ADD1: variants seen among roughly 807,000 people sequenced by gnomAD.
ADD1 encodes alpha-adducin.
A neutral mutation model predicts 80.5 loss-of-function variants in ADD1; 24 were observed. The ratio of observed to expected loss-of-function variants is 0.30; its 90% CI spans 0.22 to 0.42. ADD1 has a LOEUF of 0.42. Ranked by LOEUF, ADD1 falls within the 10% of genes least tolerant of loss-of-function variation. The pLI is 1.00. For synonymous variants in ADD1, 373 were observed against 393.8 expected, an observed-to-expected ratio of 0.95 and a Z score of 0.63; for missense variants, 948 against 1,019.0, an observed-to-expected ratio of 0.93 and a Z score of 0.95.
intron 13 of ADD1, among the ~76,000 whole-genome samples, chr4:2,912,405 G>A (rs957298711): frequency 7.2e-5 from 11 of 152,216 alleles, no homozygotes. Flanking sequence ...TCCACCACTG[G>A]GGACCTGCTG....
chr4:2,868,646 C>T (rs1729931131), intron 1 of ADD1, among the ~76,000 whole-genome samples: 1 of 152,178 alleles, frequency 6.6e-6, no homozygotes, highest in African/African-American at 2.4e-5. Context: ...GACACACTCC[C>T]CCAGGGCCCT....
At chr4:2,898,073 A>G (rs555740703) in intron 6 of ADD1, 111 bp from the exon 7 acceptor site, 2 of 1,359,940 alleles carry the variant, frequency 1.5e-6, no homozygotes, top group South Asian at 2.9e-5. Flanking sequence ...CAAGAAGAGG[A>G]CAAAAACATT....
chr4:2,928,416 G>A lies in ADD1; in HGVS notation c.2293G>A (p.Ala765Thr), dbSNP rs775330480. ...CTCAGCTGTCGAGGAGGGGGCCGCC[G>A]CGGACCCTGGCAGCGATGGGTCTCC... is the stretch of plus-strand genomic sequence containing the variant. Reference protein sequence around the residue: ...APSAVEEGAAADPGSDGSPGK... With the variant: ...APSAVEEGAATDPGSDGSPGK... The change falls in exon 16 of 16, where the codon GCG (alanine) becomes ACG (threonine). Residue 765 changes from alanine to threonine, a missense_variant. Transcript: ENST00000683351. The A allele has an allele frequency of 3.0e-5, 48 of 1,613,304 alleles. No homozygotes were observed. The highest frequency in any genetic ancestry group is 3.9e-5 in the Non-Finnish European group (46 of 1,179,986).
At position 2,898,473 on chromosome 4, in the gene ADD1, A is replaced by G; in HGVS notation, c.926A>G (p.Glu309Gly). 6.2e-7 allele frequency: 1 copy of G among 1,614,178 alleles called. No individual in the cohort carries two copies. The highest frequency in any genetic ancestry group is 2.2e-5 in the East Asian group (1 of 44,886). Residue 309 changes from glutamate to glycine, a missense_variant, in exon 8 of 16, where the codon GAG (glutamate) becomes GGG (glycine). Physicochemically the swap from Glu to Gly is moderately conservative, Grantham distance 98. Coordinates refer to ENST00000683351, the MANE Select transcript of ADD1 (RefSeq NM_001354761.2). ...LRNHGLVSVG[E>G]SVEEAFYYIH... ...AACCATGGGCTCGTGTCAGTTGGAGAGAGCGTTGAGGAGGCCTTCTATTAC... is the reference window on the plus strand; with the variant it reads ...AACCATGGGCTCGTGTCAGTTGGAGGGAGCGTTGAGGAGGCCTTCTATTAC...
intron 1 of ADD1, among the ~76,000 whole-genome samples, chr4:2,871,761 A>G (rs1355605176): frequency 6.6e-6 from 1 of 152,220 alleles, no homozygotes; most frequent in African/African-American, 2.4e-5. Context: ...TTCAGATGTC[A>G]TTTTATCCAG....
chr4:2,889,007 A>G (rs189733957), intron 4 of ADD1, among the ~76,000 whole-genome samples: 40 of 152,364 alleles, frequency 2.6e-4, no homozygotes, highest in African/African-American at 9.4e-4. Context: ...GTGGAACCTG[A>G]CAGCATGCTT....
chr4:2,926,507 C>T lies in ADD1; in HGVS notation c.2047+395C>T, dbSNP rs1337538265. 7.6e-6 allele frequency: 7 copies of T among 916,872 alleles called. No individual in the cohort carries two copies. In the East Asian group the frequency reaches 7.9e-5, roughly 10 times the overall value. 56.8% of individuals were successfully genotyped at this position (916,872 alleles called of 1,614,324 possible). A position where few individuals can be genotyped will look rare whatever the true frequency, so the allele number is the denominator to read the frequency against. ...GTGGTGTGTGATCCCGGGTGTCTGT[C>T]CCTCGGTCTCGTACATCCATGTCTC... On this transcript the variant is annotated intron_variant, in intron 15 of 15. Transcript: ENST00000683351. The surrounding 1 kb of genome is among the most constrained non-coding windows in gnomAD (Gnocchi z 5.0).
intron 1 of ADD1, among the ~76,000 whole-genome samples, chr4:2,851,680 A>C (rs924279267): frequency 1.3e-5 from 2 of 152,176 alleles, no homozygotes; most frequent in Non-Finnish European, 2.9e-5. Context: ...TTATTGTCAC[A>C]TAGGGCTTCA....
chr4:2,879,048 A>G (rs2108910848), intron 2 of ADD1, among the ~76,000 whole-genome samples: 1 of 152,220 alleles, frequency 6.6e-6, no homozygotes, highest in South Asian at 2.1e-4. Flanking sequence ...GGAGCCTGAG[A>G]TGGGTTGGAT....
chr4:2,878,509 G>C (rs958091097), intron 2 of ADD1, among the ~76,000 whole-genome samples: 2 of 152,102 alleles, frequency 1.3e-5, no homozygotes, highest in African/African-American at 4.8e-5. Context: ...AAATGACTCG[G>C]GATAGTTGAG....
At chr4:2,921,064 G>A (rs77461711) in intron 14 of ADD1, among the ~76,000 whole-genome samples, 1 of 152,164 alleles carries the variant, frequency 6.6e-6, no homozygotes, top group Admixed American at 6.5e-5. Context: ...TTGCTTGTCT[G>A]TAAAGGAGTT....
At chr4:2,875,759 C>A in intron 1 of ADD1, 137 bp from the exon 2 acceptor site, 2 of 656,918 alleles carry the variant, frequency 3.0e-6, no homozygotes, top group Non-Finnish European at 4.9e-6. Flanking sequence ...AGAAGCCTCA[C>A]AGGTCATGGT....
At chr4:2,859,700 G>T (rs1728570102) in intron 1 of ADD1, among the ~76,000 whole-genome samples, 1 of 152,174 alleles carries the variant, frequency 6.6e-6, no homozygotes, top group South Asian at 2.1e-4. Flanking sequence ...AAGCCAAAAG[G>T]AAATGAAACT....
chr4:2,916,112 T>G (rs1577708496), intron 14 of ADD1, among the ~76,000 whole-genome samples: 2 of 152,024 alleles, frequency 1.3e-5, no homozygotes, highest in South Asian at 4.2e-4. Context: ...GACCAGACAT[T>G]CACAAAAGAA....
chr4:2,924,576 T>C (rs1039066897), intron 14 of ADD1, among the ~76,000 whole-genome samples: 3 of 152,238 alleles, frequency 2.0e-5, no homozygotes, highest in African/African-American at 7.2e-5. Context: ...TGGGCCGTCG[T>C]CATCCTGGGA....
chr4:2,917,058 G>A (rs574060809), intron 14 of ADD1, among the ~76,000 whole-genome samples: 66 of 152,324 alleles, frequency 4.3e-4, no homozygotes, highest in African/African-American at 1.5e-3. Flanking sequence ...CCAGTAACGG[G>A]ATTGCTGGGT....
intron 6 of ADD1, among the ~76,000 whole-genome samples, chr4:2,897,111 A>G (rs943816268): frequency 3.3e-5 from 5 of 152,120 alleles, no homozygotes; most frequent in African/African-American, 1.2e-4. Flanking sequence ...TTCTTCTTGT[A>G]TGAGAGCTGA....
chr4:2,846,816 TAA>T (rs761045902), intron 1 of ADD1, among the ~76,000 whole-genome samples: 79 of 117,562 alleles, frequency 6.7e-4, no homozygotes, highest in Admixed American at 7.2e-4. Flanking sequence ...TCTGTCTCTT[TAA>T]AAAAAAAAAA....
chr4:2,908,807 C>T, intron 12 of ADD1: 2 of 593,398 alleles, frequency 3.4e-6, no homozygotes, highest in South Asian at 2.0e-5. Context: ...AGGGCTGTGT[C>T]CACCCCTCTG....
Sources: allele counts gnomAD v4.1 joint callset (sites outside exome capture counted in the v4.1 genomes callset), GRCh38; gene constraint gnomAD v4.1.1; non-coding constraint Gnocchi (gnomAD v3.1); transcripts MANE v1.5; gene names NCBI Gene and HGNC (gene_info 2026-07-23, HGNC 2026-07-21).